PROS1: variants seen among roughly 807,000 people sequenced by gnomAD.
PROS1 encodes the protein protein S.
PROS1 carries 29 observed loss-of-function variants against 75.9 expected under a neutral mutation model. That is an observed-to-expected ratio of 0.38 (90% CI 0.28 to 0.52). The LOEUF is 0.52. PROS1 is among the 20% of genes least tolerant of loss of function. The pLI is 0.83. For synonymous variants in PROS1, 245 were observed against 280.6 expected, an observed-to-expected ratio of 0.87 and a Z score of 1.27; for missense variants, 680 against 810.3, an observed-to-expected ratio of 0.84 and a Z score of 1.95.
At chr3:93,875,548 G>A (rs1406028526) in intron 14 of PROS1, among the ~76,000 whole-genome samples, 2 of 151,926 alleles carry the variant, frequency 1.3e-5, no homozygotes, top group Admixed American at 6.6e-5. Flanking sequence ...TAAGGTAGTA[G>A]GTAGATTTCA....
At position 93,874,100 on chromosome 3, in the gene PROS1, T is replaced by C; in HGVS notation, c.*145A>G. ...TTATATCACAACAGAATTTTTTTCC[T>C]TGACAAAGGACCTTTTAAAAATCCC... On this transcript the variant is annotated 3_prime_UTR_variant, in exon 15 of 15. Coordinates refer to ENST00000394236, the MANE Select transcript of PROS1 (RefSeq NM_000313.4). 1 of 951,184 alleles carries C rather than the reference T, an allele frequency of 1.1e-6. No homozygotes were observed. Among genetic ancestry groups the C allele is most frequent in the Non-Finnish European group, 1.5e-6 (1 of 648,278 alleles). 58.9% of individuals were successfully genotyped at this position (951,184 alleles called of 1,614,324 possible). A position where few individuals can be genotyped will look rare whatever the true frequency, so the allele number is the denominator to read the frequency against.
intron 8 of PROS1, among the ~76,000 whole-genome samples, 192 bp downstream of exon 8, chr3:93,898,256 C>T (rs1708532449): frequency 6.6e-6 from 1 of 151,958 alleles, no homozygotes; most frequent in Non-Finnish European, 1.5e-5. Flanking sequence ...TTAAACCCAG[C>T]CACTAATTAT....
intron 1 of PROS1, among the ~76,000 whole-genome samples, chr3:93,943,973 C>T (rs914276117): frequency 2.0e-5 from 3 of 152,214 alleles, no homozygotes; most frequent in African/African-American, 7.2e-5. Flanking sequence ...TTCACTGACT[C>T]TCTTTTTGAA....
At chr3:93,886,200 C>T (rs1708343991) in intron 11 of PROS1, 136 bp downstream of exon 11, 1 of 712,750 alleles carries the variant, frequency 1.4e-6, no homozygotes, top group Non-Finnish European at 2.4e-6. Flanking sequence ...GTTATTTTTC[C>T]ATGATCATTT....
chr3:93,905,012 A>T (rs538643106), intron 6 of PROS1, among the ~76,000 whole-genome samples: 20 of 152,324 alleles, frequency 1.3e-4, no homozygotes, highest in African/African-American at 4.8e-4. Context: ...CACAACAGGA[A>T]ATGAGGTGCC....
chr3:93,962,476 GC>G (rs1709721530), intron 1 of PROS1, among the ~76,000 whole-genome samples: 1 of 152,150 alleles, frequency 6.6e-6, no homozygotes, highest in African/African-American at 2.4e-5. Flanking sequence ...CATACTATAA[GC>G]TTTTCTCCCA....
At chr3:93,954,988 C>G (rs1709573656) in intron 1 of PROS1, among the ~76,000 whole-genome samples, 1 of 152,224 alleles carries the variant, frequency 6.6e-6, no homozygotes, top group African/African-American at 2.4e-5. Context: ...CTCATCATCA[C>G]TGGCCATCAG....
chr3:93,947,466 C>T (rs994745789), intron 1 of PROS1, among the ~76,000 whole-genome samples: 13 of 152,158 alleles, frequency 8.5e-5, no homozygotes, highest in Non-Finnish European at 1.3e-4. Context: ...AGGGAAGGTT[C>T]CCTCTGTGGA....
At chr3:93,946,978 T>TCAAA (rs1709411957) in intron 1 of PROS1, among the ~76,000 whole-genome samples, 1 of 150,736 alleles carries the variant, frequency 6.6e-6, no homozygotes, top group South Asian at 2.1e-4. Flanking sequence ...CAAGAAAAAA[T>TCAAA]CAAACAGCTC....
At chr3:93,971,860 A>T (rs531669634) in intron 1 of PROS1, among the ~76,000 whole-genome samples, 2 of 152,306 alleles carry the variant, frequency 1.3e-5, no homozygotes, top group Non-Finnish European at 2.9e-5. Flanking sequence ...AAAACATCAC[A>T]TCTATATCCA....
At position 93,884,678 on chromosome 3, in the gene PROS1, A is replaced by G. The variant is rs1367850984; in HGVS notation, c.1492+50T>C. ...ATAAATTATTACTGTTTGTTAATGAATAAATTTACTCATTAATGAGAAAAT... is the reference window on the plus strand; with the variant it reads ...ATAAATTATTACTGTTTGTTAATGAGTAAATTTACTCATTAATGAGAAAAT... On this transcript the variant is annotated intron_variant, in intron 12 of 14. Coordinates refer to ENST00000394236, the MANE Select transcript of PROS1 (RefSeq NM_000313.4). 24 of 1,517,090 alleles carry G rather than the reference A, an allele frequency of 1.6e-5. No homozygotes were observed. The East Asian group carries it at 5.4e-4, about 34-fold the overall frequency. 94.0% of individuals were successfully genotyped at this position (1,517,090 alleles called of 1,614,324 possible). A position where few individuals can be genotyped will look rare whatever the true frequency, so the allele number is the denominator to read the frequency against.
intron 1 of PROS1, among the ~76,000 whole-genome samples, chr3:93,944,602 A>C (rs2107231279): frequency 6.6e-6 from 1 of 152,336 alleles, no homozygotes; most frequent in South Asian, 2.1e-4. Flanking sequence ...GTTCTTTGAA[A>C]CCAATGAGAA....
intron 1 of PROS1, among the ~76,000 whole-genome samples, chr3:93,941,381 G>A (rs1442423883): frequency 6.6e-6 from 1 of 152,066 alleles, no homozygotes; most frequent in East Asian, 1.9e-4. Flanking sequence ...TGCTCTCCCT[G>A]CTGATCATGA....
chr3:93,972,951 T>C (rs918042797), intron 1 of PROS1, among the ~76,000 whole-genome samples: 3 of 152,164 alleles, frequency 2.0e-5, no homozygotes, highest in African/African-American at 4.8e-5. Context: ...TGGTATTCCT[T>C]ATATATTTTT....
intron 4 of PROS1, among the ~76,000 whole-genome samples, chr3:93,906,454 C>T (rs533638310): frequency 7.9e-5 from 12 of 152,302 alleles, no homozygotes; most frequent in East Asian, 1.9e-4. Context: ...CCACACTCCC[C>T]GGATGCTGCT....
intron 1 of PROS1, among the ~76,000 whole-genome samples, chr3:93,963,984 G>T (rs1359803972): frequency 6.6e-6 from 1 of 152,166 alleles, no homozygotes; most frequent in East Asian, 1.9e-4. Context: ...GAATTGTGAA[G>T]ATTTCATTTT....
chr3:93,953,092 C>T (rs930617826), intron 1 of PROS1, among the ~76,000 whole-genome samples: 2 of 152,040 alleles, frequency 1.3e-5, no homozygotes, highest in African/African-American at 4.8e-5. Context: ...AATGAATAGC[C>T]TACCAACCAA....
intron 1 of PROS1, among the ~76,000 whole-genome samples, chr3:93,966,809 C>CA (rs752321696): frequency 0.028 from 2,144 of 76,352 alleles, 28 homozygotes; most frequent in Middle Eastern, 0.081. Flanking sequence ...GACTCTGTTC[C>CA]AAAAAAAAAA....
At chr3:93,937,530 G>A (rs1014606380) in intron 1 of PROS1, among the ~76,000 whole-genome samples, 2 of 151,972 alleles carry the variant, frequency 1.3e-5, no homozygotes, top group African/African-American at 4.8e-5. Context: ...ACCTCACCTG[G>A]CTAATTTTTT....
Sources: allele counts gnomAD v4.1 joint callset (sites outside exome capture counted in the v4.1 genomes callset), GRCh38; gene constraint gnomAD v4.1.1; transcripts MANE v1.5; gene names NCBI Gene and HGNC (gene_info 2026-07-23, HGNC 2026-07-21).